The following SORCS2 variants were observed in gnomAD, a reference collection of about 807,000 sequenced individuals.
SORCS2 encodes the protein VPS10 domain-containing receptor SorCS2.
A neutral mutation model predicts 141.6 loss-of-function variants in SORCS2; 100 were observed. That is an observed-to-expected ratio of 0.71 (90% CI 0.60 to 0.83). The LOEUF is 0.83. Among genes scored for constraint, SORCS2 ranks in the 40% least tolerant of loss-of-function variants. The pLI is 0.00. For missense variants in SORCS2, 1,646 were observed against 1,560.2 expected (o/e 1.05, Z -0.93); for synonymous variants, 789 against 676.9 (o/e 1.17, Z -2.57).
chr4:7,661,299 C>T (rs548653781), intron 5 of SORCS2, among the ~76,000 whole-genome samples: 1 of 151,634 alleles, frequency 6.6e-6, no homozygotes, highest in East Asian at 1.9e-4. Context: ...CCAACCCCCT[C>T]AGCTCACTCA....
chr4:7,373,099 A>G (rs1412844963), intron 1 of SORCS2, among the ~76,000 whole-genome samples: 1 of 150,796 alleles, frequency 6.6e-6, no homozygotes, highest in East Asian at 2.0e-4. Flanking sequence ...GCTCTTAAAT[A>G]CGTAGCCGTG....
Position 7,552,165 on chromosome 4 carries a change from C to A in SORCS2, c.648+20536C>A, listed in dbSNP as rs115668807. ...TTGAACAAAATGTGGCTCCCTCCCT[C>A]CCTGACAGGGAAACAGAAACCTGTT... On this transcript the variant is annotated intron_variant, in intron 3 of 26. Transcript: ENST00000507866. Among the ~76,000 whole-genome samples, 1,226 of 152,326 alleles carry A rather than the reference C, an allele frequency of 8.0e-3. 7 individuals are homozygous for A. The highest frequency in any genetic ancestry group is 0.02 in the Admixed American group (308 of 15,312).
At chr4:7,574,409 G>A (rs1715608913) in intron 3 of SORCS2, among the ~76,000 whole-genome samples, 1 of 152,236 alleles carries the variant, frequency 6.6e-6, no homozygotes, top group Non-Finnish European at 1.5e-5. Flanking sequence ...TTACAGCCAT[G>A]TCTTAGAGAG....
At chr4:7,575,374 G>C (rs1715682444) in intron 3 of SORCS2, among the ~76,000 whole-genome samples, 1 of 152,152 alleles carries the variant, frequency 6.6e-6, no homozygotes, top group Non-Finnish European at 1.5e-5. Flanking sequence ...AAATTTTTGA[G>C]ATCTTTTATG....
At chr4:7,712,966 A>G in intron 15 of SORCS2, 113 bp downstream of exon 15, 1 of 1,449,602 alleles carries the variant, frequency 6.9e-7, no homozygotes, top group Non-Finnish European at 9.2e-7. Flanking sequence ...CCCCGCCTCC[A>G]AGAAGTCTTC....
intron 4 of SORCS2, among the ~76,000 whole-genome samples, chr4:7,647,879 C>T (rs1195235551): frequency 6.6e-6 from 1 of 152,238 alleles, no homozygotes; most frequent in African/African-American, 2.4e-5. Flanking sequence ...GTGTTCATCT[C>T]GACTCTGAAG....
At chr4:7,294,202 T>C (rs527521939) in intron 1 of SORCS2, among the ~76,000 whole-genome samples, 1 of 152,098 alleles carries the variant, frequency 6.6e-6, no homozygotes, top group Non-Finnish European at 1.5e-5. Context: ...AAAGAGCCCA[T>C]GATGAGGCAG....
chr4:7,398,916 A>G (rs1349227471), intron 2 of SORCS2, among the ~76,000 whole-genome samples: 1 of 152,210 alleles, frequency 6.6e-6, no homozygotes, highest in East Asian at 1.9e-4. Flanking sequence ...GCTGGTGCGC[A>G]GTGGCATTCA....
chr4:7,682,668 C>A, intron 9 of SORCS2, 75 bp from the exon 10 acceptor site: 1 of 1,452,474 alleles, frequency 6.9e-7, no homozygotes, highest in South Asian at 1.3e-5. Context: ...TAGCAAGGGG[C>A]TGGAGCATGG....
intron 3 of SORCS2, among the ~76,000 whole-genome samples, chr4:7,625,639 C>G (rs1169654791): frequency 4.0e-5 from 6 of 148,558 alleles, no homozygotes; most frequent in Non-Finnish European, 9.1e-5. Context: ...ACTCAAAGCA[C>G]CCAGCACTCT....
intron 1 of SORCS2, among the ~76,000 whole-genome samples, chr4:7,224,496 G>A (rs1277813450): frequency 6.6e-6 from 1 of 152,254 alleles, no homozygotes; most frequent in Non-Finnish European, 1.5e-5. Flanking sequence ...TTGGTCAGCT[G>A]CTGCTTCTGC....
At chr4:7,499,981 C>T (rs902545236) in intron 2 of SORCS2, among the ~76,000 whole-genome samples, 10 of 152,106 alleles carry the variant, frequency 6.6e-5, no homozygotes, top group Admixed American at 1.3e-4. Flanking sequence ...GTTTCTAGGC[C>T]GCATCAGTCC....
chr4:7,226,763 G>A (rs976299321), intron 1 of SORCS2, among the ~76,000 whole-genome samples: 7 of 152,114 alleles, frequency 4.6e-5, no homozygotes, highest in Non-Finnish European at 7.3e-5. Context: ...ACCCTGCTCC[G>A]TTGGTGGGGG....
intron 11 of SORCS2, among the ~76,000 whole-genome samples, chr4:7,694,663 C>T (rs1452163413): frequency 6.6e-6 from 1 of 152,218 alleles, no homozygotes; most frequent in Non-Finnish European, 1.5e-5. Context: ...TCTTTCTCTC[C>T]TCCCTGCTGC....
chr4:7,346,770 C>G (rs938609696), intron 1 of SORCS2, among the ~76,000 whole-genome samples: 9 of 152,146 alleles, frequency 5.9e-5, no homozygotes, highest in Non-Finnish European at 1.2e-4. Flanking sequence ...ATTGATCTTC[C>G]TTCTCTTTCT....
At chr4:7,633,203 A>C (rs950607443) in intron 3 of SORCS2, among the ~76,000 whole-genome samples, 1 of 152,226 alleles carries the variant, frequency 6.6e-6, no homozygotes, top group Admixed American at 6.5e-5. Context: ...CAGAGGGAAC[A>C]GTACACACAC....
At chr4:7,398,893 G>A (rs375896936) in intron 2 of SORCS2, among the ~76,000 whole-genome samples, 1 of 152,164 alleles carries the variant, frequency 6.6e-6, no homozygotes, top group African/African-American at 2.4e-5. Context: ...CAGGGAGTGT[G>A]AATGGATTTA....
At chr4:7,356,839 C>G (rs904733506) in intron 1 of SORCS2, among the ~76,000 whole-genome samples, 3 of 152,246 alleles carry the variant, frequency 2.0e-5, no homozygotes, top group Non-Finnish European at 4.4e-5. Context: ...TGAATGATCC[C>G]TGGATCTCTG....
At chr4:7,304,504 G>A (rs965782909) in intron 1 of SORCS2, among the ~76,000 whole-genome samples, 10 of 152,344 alleles carry the variant, frequency 6.6e-5, no homozygotes, top group African/African-American at 1.9e-4. Context: ...CAGTGTGTTT[G>A]TTGAACAAAT....
Sources: gnomAD v4.1 joint callset for allele counts (sites outside exome capture counted in the v4.1 genomes callset) on GRCh38, gnomAD v4.1.1 for gene constraint, MANE v1.5 for transcripts, NCBI Gene and HGNC (gene_info 2026-07-23, HGNC 2026-07-21) for gene names.